The following SFMBT2 variants were observed in gnomAD, a reference collection of about 807,000 sequenced individuals.
SFMBT2 encodes scm-like with four MBT domains protein 2.
Under a neutral mutation model 110.1 loss-of-function variants are expected in SFMBT2, and 38 were observed. The observed-to-expected ratio is 0.35, with a 90% CI of 0.27 to 0.45. SFMBT2 has a LOEUF of 0.45. Ranked by LOEUF, SFMBT2 falls within the 20% of genes least tolerant of loss-of-function variation. SFMBT2 has a pLI of 1.00. For missense variants in SFMBT2, 1,011 were observed against 1,094.9 expected, an observed-to-expected ratio of 0.92 and a Z score of 1.08; for synonymous variants, 425 against 425.4, an observed-to-expected ratio of 1.00 and a Z score of 0.01.
rs181916258 is a variant in SFMBT2, at chr10:7,283,992, G to A, written c.684C>T (p.Ser228=). 2 of 1,611,516 alleles carry A rather than the reference G, an allele frequency of 1.2e-6. No individual in the cohort carries two copies. Among genetic ancestry groups the A allele is most frequent in the East Asian group, 2.2e-5 (1 of 44,874 alleles). The stretch of plus-strand genomic sequence containing the variant: ...CCAAGTAAAACAACCACTGGTCATA[G>A]GATTCAGTGTCCTCCAATCCCACAT... ...LRYVGLEDTE[S]YDQWLFYLDY... The change falls in exon 6 of 21, where the codon TCC becomes TCT. Residue 228 remains serine (S), a synonymous_variant. Transcript: ENST00000397167.
intron 12 of SFMBT2, chr10:7,204,398 A>G: frequency 1.0e-6 from 1 of 985,388 alleles, no homozygotes. Flanking sequence ...TTGGTGCCTA[A>G]ATTCCATCAA....
intron 1 of SFMBT2, among the ~76,000 whole-genome samples, chr10:7,393,103 G>A (rs1845827967): frequency 6.9e-6 from 1 of 145,964 alleles, no homozygotes; most frequent in African/African-American, 2.5e-5. Flanking sequence ...TGTGATCTCA[G>A]CTCACTCAAC....
intron 7 of SFMBT2, among the ~76,000 whole-genome samples, chr10:7,267,473 A>C (rs1841431421): frequency 6.6e-6 from 1 of 152,102 alleles, no homozygotes; most frequent in Non-Finnish European, 1.5e-5. Flanking sequence ...TTTGAGATGG[A>C]GTCTCACTCT....
intron 14 of SFMBT2, chr10:7,198,131 T>A (rs538121468): frequency 1.0e-6 from 1 of 985,280 alleles, no homozygotes; most frequent in African/African-American, 1.7e-5. Context: ...AAACAATATA[T>A]GATATATTAA....
rs375397162 is a variant in SFMBT2, at chr10:7,234,351, T to C, written c.1121-6414A>G. 5.9e-5 allele frequency among the ~76,000 whole-genome samples: 9 copies of C among 152,230 alleles called. No individual in the cohort carries two copies. The South Asian group carries it at 1.2e-3, about 21-fold the overall frequency. On this transcript the variant is annotated intron_variant, in intron 9 of 20. Transcript: ENST00000397167. The stretch of plus-strand genomic sequence containing the variant: ...CTTGGTCATGGTATGACACTTAATA[T>C]ACTTCTCTGCTGAGGGAATGTTCTA...
chr10:7,203,370 G>A (rs147894746), intron 12 of SFMBT2: 49 of 165,190 alleles, frequency 3.0e-4, no homozygotes, highest in Non-Finnish European at 5.3e-4. Context: ...GGATCTCTCA[G>A]GTGAAAAATG....
chr10:7,228,734 TCCTTTCTCTCTCTCTCTC>T (rs1840007177), intron 9 of SFMBT2, among the ~76,000 whole-genome samples: 1 of 55,420 alleles, frequency 1.8e-5, no homozygotes, highest in Non-Finnish European at 3.4e-5. Context: ...TTTCTTTCTT[TCCTTTCTCTCTCTCTCTC>T]TCTCTCTCTC....
chr10:7,233,026 G>A (rs2692836), intron 9 of SFMBT2, among the ~76,000 whole-genome samples: 9,286 of 152,046 alleles, frequency 0.061, 402 homozygotes, highest in African/African-American at 0.12. Context: ...AGGGTTTACA[G>A]AAAAAAATTC....
At position 7,366,190 on chromosome 10, in the gene SFMBT2, G is replaced by A. The variant is rs1844893002; in HGVS notation, c.436+1459C>T. On this transcript the variant is annotated intron_variant, in intron 4 of 20. Coordinates refer to ENST00000397167, the MANE Select transcript of SFMBT2 (RefSeq NM_001387889.1). ...CAGCATAGGAAAGAGCGGGTGCAAAGACCCAATGCAGGAAAGAAAGAAAGA... is the reference window on the plus strand; with the variant it reads ...CAGCATAGGAAAGAGCGGGTGCAAAAACCCAATGCAGGAAAGAAAGAAAGA... Among the ~76,000 whole-genome samples, 5 of 152,076 alleles carry A rather than the reference G, an allele frequency of 3.3e-5. No individual in the cohort carries two copies. In the South Asian group the frequency reaches 8.3e-4, roughly 25 times the overall value.
At chr10:7,242,008 TC>T (rs1260799123) in intron 9 of SFMBT2, among the ~76,000 whole-genome samples, 6 of 152,302 alleles carry the variant, frequency 3.9e-5, no homozygotes, top group African/African-American at 1.4e-4. Flanking sequence ...AAGTTTTCCT[TC>T]AATGACACAG....
intron 7 of SFMBT2, among the ~76,000 whole-genome samples, chr10:7,271,515 G>A (rs2131809012): frequency 6.6e-6 from 1 of 152,258 alleles, no homozygotes; most frequent in Middle Eastern, 3.4e-3. Context: ...GCATAACTGT[G>A]ACAGAACAAG....
At chr10:7,217,849 C>T (rs1221611680) in intron 11 of SFMBT2, among the ~76,000 whole-genome samples, 2 of 152,232 alleles carry the variant, frequency 1.3e-5, no homozygotes, top group Non-Finnish European at 2.9e-5. Flanking sequence ...TTCCGGAACA[C>T]TGGCCCCATC....
intron 4 of SFMBT2, among the ~76,000 whole-genome samples, chr10:7,294,947 T>C (rs762080353): frequency 6.6e-6 from 1 of 152,198 alleles, no homozygotes; most frequent in Non-Finnish European, 1.5e-5. Context: ...ATCCCCTGTA[T>C]ACATTTCTCT....
intron 10 of SFMBT2, among the ~76,000 whole-genome samples, chr10:7,224,471 G>C (rs749016357): frequency 2.6e-4 from 39 of 152,140 alleles, no homozygotes; most frequent in Non-Finnish European, 5.1e-4. Context: ...CATCAGGCCA[G>C]AGAGACCATG....
intron 4 of SFMBT2, among the ~76,000 whole-genome samples, chr10:7,351,149 T>C (rs775268147): frequency 6.6e-6 from 1 of 152,236 alleles, no homozygotes; most frequent in Non-Finnish European, 1.5e-5. Flanking sequence ...ATGTGATTGT[T>C]GTCTCTGAAT....
At chr10:7,278,998 G>C (rs537160838) in intron 6 of SFMBT2, among the ~76,000 whole-genome samples, 4 of 152,138 alleles carry the variant, frequency 2.6e-5, no homozygotes, top group Admixed American at 2.0e-4. Flanking sequence ...CTACTCGGGA[G>C]GCTGAGGCAG....
rs1314204667 is a variant in SFMBT2, at chr10:7,248,418, T to C, written c.972+130A>G. The C allele has an allele frequency of 5.5e-6, 4 of 729,744 alleles. No homozygotes were observed. In the East Asian group the frequency reaches 1.1e-4, roughly 20 times the overall value. The allele number at this position is 729,744 out of a possible 1,614,324, so 45.2% of individuals were successfully genotyped here. A position where few individuals can be genotyped will look rare whatever the true frequency, so the allele number is the denominator to read the frequency against. ...CAGCGCTGGACTGGAAGGGCGGCAA[T>C]CTTCCTTAGCTTCGCCTGGCATTGC... is the stretch of plus-strand genomic sequence containing the variant. On this transcript the variant is annotated intron_variant, in intron 8 of 20. Transcript: ENST00000397167.
chr10:7,317,641 C>CAAAA (rs56181512), intron 4 of SFMBT2, among the ~76,000 whole-genome samples: 12,584 of 92,810 alleles, frequency 0.14, 1,561 homozygotes, highest in African/African-American at 0.18. Flanking sequence ...AACTCCGTCT[C>CAAAA]AAAAAAAAAA....
chr10:7,330,039 G>A (rs1024541469), intron 4 of SFMBT2, among the ~76,000 whole-genome samples: 4 of 152,162 alleles, frequency 2.6e-5, no homozygotes, highest in African/African-American at 9.7e-5. Context: ...TCTAGGAACT[G>A]ATGGAGATGG....
Sources: gnomAD v4.1 joint callset for allele counts (sites outside exome capture counted in the v4.1 genomes callset) on GRCh38, gnomAD v4.1.1 for gene constraint, MANE v1.5 for transcripts, NCBI Gene and HGNC (gene_info 2026-07-23, HGNC 2026-07-21) for gene names.